The following CTNNA3 variants were observed in gnomAD, a reference collection of about 807,000 sequenced individuals.
CTNNA3 encodes the protein catenin alpha-3.
Under a neutral mutation model 95.7 loss-of-function variants are expected in CTNNA3, and 76 were observed. The ratio of observed to expected loss-of-function variants is 0.79; its 90% CI spans 0.66 to 0.96. CTNNA3 has a LOEUF of 0.96. CTNNA3 is among the 40% of genes least tolerant of loss of function. CTNNA3 has a pLI of 0.00. For missense variants in CTNNA3, 1,191 were observed against 1,089.8 expected (o/e 1.09, Z -1.31); for synonymous variants, 431 against 374.4 (o/e 1.15, Z -1.74).
intron 5 of CTNNA3, among the ~76,000 whole-genome samples, chr10:67,223,730 C>T (rs1018112880): frequency 6.6e-6 from 1 of 152,150 alleles, no homozygotes; most frequent in Non-Finnish European, 1.5e-5. Flanking sequence ...TTCCTTCAAC[C>T]TGTACTATGT....
chr10:67,319,521 G>A (rs183932011), intron 5 of CTNNA3, among the ~76,000 whole-genome samples: 1 of 152,012 alleles, frequency 6.6e-6, no homozygotes, highest in African/African-American at 2.4e-5. Flanking sequence ...AGTTAATGGA[G>A]CTCCCTAAAA....
At chr10:67,636,767 C>A (rs1381808740) in intron 2 of CTNNA3, among the ~76,000 whole-genome samples, 2 of 152,106 alleles carry the variant, frequency 1.3e-5, no homozygotes, top group Non-Finnish European at 2.9e-5. Flanking sequence ...CTGGAGTGGA[C>A]CTCCAGCAAA....
chr10:67,002,562 A>G (rs771707398), intron 7 of CTNNA3, among the ~76,000 whole-genome samples: 1 of 152,214 alleles, frequency 6.6e-6, no homozygotes. Flanking sequence ...TATTTATGAC[A>G]GTCTAAATTA....
At chr10:66,344,088 G>T (rs4443960) in intron 12 of CTNNA3, among the ~76,000 whole-genome samples, 1 of 151,014 alleles carries the variant, frequency 6.6e-6, no homozygotes, top group Non-Finnish European at 1.5e-5. Context: ...TTAACCAGAC[G>T]TGGTGGCGGT....
At chr10:66,618,389 C>G (rs1844607068) in intron 10 of CTNNA3, among the ~76,000 whole-genome samples, 1 of 151,912 alleles carries the variant, frequency 6.6e-6, no homozygotes, top group East Asian at 1.9e-4. Flanking sequence ...CAGAACAGAG[C>G]CCTCAGAAAT....
chr10:65,996,732 C>T (rs1353599647), intron 15 of CTNNA3, among the ~76,000 whole-genome samples: 9 of 152,114 alleles, frequency 5.9e-5, no homozygotes, highest in Admixed American at 5.9e-4. Context: ...ACTGCTGGGG[C>T]ATATACCATT....
intron 7 of CTNNA3, among the ~76,000 whole-genome samples, chr10:66,943,531 T>C (rs946222817): frequency 7.2e-5 from 11 of 151,804 alleles, no homozygotes; most frequent in African/African-American, 2.7e-4. Context: ...TTTTTTTTTT[T>C]TCAGTATTAG....
chr10:66,208,474 C>A (rs2087910119), intron 13 of CTNNA3, among the ~76,000 whole-genome samples: 1 of 151,942 alleles, frequency 6.6e-6, no homozygotes. Context: ...AAATAAATAG[C>A]ATTTATATAG....
intron 13 of CTNNA3, among the ~76,000 whole-genome samples, chr10:66,260,814 T>C (rs1420518301): frequency 6.6e-6 from 1 of 152,100 alleles, no homozygotes; most frequent in East Asian, 1.9e-4. Context: ...CTCATATATA[T>C]TGAAATTAAT....
intron 5 of CTNNA3, among the ~76,000 whole-genome samples, chr10:67,397,027 A>C (rs1212217637): frequency 6.6e-6 from 1 of 152,168 alleles, no homozygotes; most frequent in Non-Finnish European, 1.5e-5. Context: ...ATATGTCTTT[A>C]TTACCAGCAT....
intron 7 of CTNNA3, among the ~76,000 whole-genome samples, chr10:66,868,097 C>T (rs1844251991): frequency 6.7e-6 from 1 of 150,288 alleles, no homozygotes; most frequent in South Asian, 2.1e-4. Context: ...TGGCTCATGC[C>T]TGTAATCCCA....
At chr10:66,712,144 G>T (rs915011613) in intron 9 of CTNNA3, among the ~76,000 whole-genome samples, 1 of 152,100 alleles carries the variant, frequency 6.6e-6, no homozygotes, top group African/African-American at 2.4e-5. Context: ...AGCCACATAT[G>T]TGCTGCAAAT....
intron 5 of CTNNA3, among the ~76,000 whole-genome samples, chr10:67,268,239 G>A (rs893514090): frequency 6.6e-6 from 1 of 151,710 alleles, no homozygotes; most frequent in Non-Finnish European, 1.5e-5. Flanking sequence ...GCGAAGGCAG[G>A]AGGATTGATT....
At chr10:66,286,136 C>T (rs2091584634) in intron 12 of CTNNA3, among the ~76,000 whole-genome samples, 2 of 151,752 alleles carry the variant, frequency 1.3e-5, no homozygotes, top group African/African-American at 2.4e-5. Flanking sequence ...ACTTGCTGGG[C>T]CATAGTATAT....
intron 14 of CTNNA3, among the ~76,000 whole-genome samples, chr10:66,075,177 TTAC>T (rs1486277618): frequency 6.6e-6 from 1 of 151,822 alleles, no homozygotes; most frequent in African/African-American, 2.4e-5. Flanking sequence ...ACTATGCTCA[TTAC>T]TACTGCATCA....
intron 5 of CTNNA3, among the ~76,000 whole-genome samples, chr10:67,495,279 A>T (rs1838986954): frequency 6.6e-6 from 1 of 152,000 alleles, no homozygotes. Context: ...CCCTCTCTCC[A>T]CTGACTTCTA....
At chr10:66,461,680 T>C (rs2093530210) in intron 11 of CTNNA3, among the ~76,000 whole-genome samples, 1 of 130,220 alleles carries the variant, frequency 7.7e-6, no homozygotes, top group Non-Finnish European at 1.7e-5. Context: ...ACGTTATATA[T>C]ATATGTATAT....
intron 6 of CTNNA3, among the ~76,000 whole-genome samples, chr10:67,192,285 G>A (rs750874658): frequency 6.6e-6 from 1 of 151,804 alleles, no homozygotes; most frequent in Admixed American, 6.6e-5. Context: ...GCAAAGCAAA[G>A]CAAACAACCA....
intron 7 of CTNNA3, among the ~76,000 whole-genome samples, chr10:66,843,710 CTTA>C (rs1843149604): frequency 6.6e-6 from 1 of 152,174 alleles, no homozygotes; most frequent in Non-Finnish European, 1.5e-5. Flanking sequence ...TCAGAAATTA[CTTA>C]CTAACAGAGA....
Sources: gnomAD v4.1 joint callset for allele counts (sites outside exome capture counted in the v4.1 genomes callset) on GRCh38, gnomAD v4.1.1 for gene constraint, MANE v1.5 for transcripts, NCBI Gene and HGNC (gene_info 2026-07-23, HGNC 2026-07-21) for gene names.